Variants in FAM193B observed in about 807,000 individuals in gnomAD.
FAM193B encodes the protein protein FAM193B.
In FAM193B, 27 loss-of-function variants were observed where a neutral mutation model predicts 70.7. That is an observed-to-expected ratio of 0.38 (90% CI 0.28 to 0.53). The LOEUF (loss-of-function observed/expected upper bound fraction) is 0.53. FAM193B is among the 20% of genes least tolerant of loss of function. FAM193B has a pLI of 0.81. For missense variants in FAM193B, 1,022 were observed against 1,072.5 expected (o/e 0.95, Z 0.66); for synonymous variants, 448 against 436.0 (o/e 1.03, Z -0.34).
At chr5:177,523,821 G>A (rs532524603) in intron 7 of FAM193B, 136 bp downstream of exon 7, 2 of 917,284 alleles carry the variant, frequency 2.2e-6, no homozygotes, top group Non-Finnish European at 3.4e-6. Context: ...AGAGGGCCTG[G>A]GGGGGCGGTG....
rs574071725 is a variant in FAM193B at position 177,536,252 on chromosome 5, A to G, written c.1076+106T>C. On this transcript the variant is annotated intron_variant, in intron 4 of 8. Coordinates refer to ENST00000514747, the MANE Select transcript of FAM193B (RefSeq NM_001190946.3). Reference sequence around the variant, plus strand: ...TTTACAATTGAAAAATAATGAAAGGAAAGACATAGTCTACTTTTTAATTGC... The same window carrying G: ...TTTACAATTGAAAAATAATGAAAGGGAAGACATAGTCTACTTTTTAATTGC... 5.7e-5 allele frequency: 69 copies of G among 1,218,714 alleles called. No homozygotes were observed. In the East Asian group the frequency reaches 1.6e-3, roughly 28 times the overall value. 75.5% of individuals were successfully genotyped at this position (1,218,714 alleles called of 1,614,324 possible). A position where few individuals can be genotyped will look rare whatever the true frequency, so the allele number is the denominator to read the frequency against.
At position 177,532,030 on chromosome 5, in the gene FAM193B, C is replaced by T. The variant is rs559551499; in HGVS notation, c.1275+413G>A. 1.9e-5 allele frequency: 24 copies of T among 1,292,276 alleles called. No individual in the cohort carries two copies. The highest frequency in any genetic ancestry group is 1.2e-4 in the African/African-American group (8 of 66,066). The allele number at this position is 1,292,276 out of a possible 1,614,324, so 80.1% of individuals were successfully genotyped here. A position where few individuals can be genotyped will look rare whatever the true frequency, so the allele number is the denominator to read the frequency against. ...CTGATCTGAGCCTCCTTCCTGGCGC[C>T]GTCTGTGCTCACGGCCTGTCCCTCG... is the stretch of plus-strand genomic sequence containing the variant. On this transcript the variant is annotated intron_variant, in intron 5 of 8. Coordinates refer to ENST00000514747, the MANE Select transcript of FAM193B (RefSeq NM_001190946.3). This position sits in a 1 kb window ranked among gnomAD's most constrained non-coding sequence, Gnocchi z 4.9.
chr5:177,534,211 T>G (rs961313385), intron 4 of FAM193B, among the ~76,000 whole-genome samples: 9 of 151,964 alleles, frequency 5.9e-5, no homozygotes. Context: ...AAAAAGATGG[T>G]GGCAGGAATC....
At chr5:177,521,934 C>G (rs370552427) in intron 8 of FAM193B, 40 bp downstream of exon 8, 2 of 1,527,040 alleles carry the variant, frequency 1.3e-6, no homozygotes, top group Non-Finnish European at 1.8e-6. Context: ...TGGCCAAGCA[C>G]AGGGAGAGGC....
At chr5:177,541,241 T>C (rs1048230211) in intron 1 of FAM193B, among the ~76,000 whole-genome samples, 1 of 152,130 alleles carries the variant, frequency 6.6e-6, no homozygotes, top group Non-Finnish European at 1.5e-5. Context: ...GAGGAAACTT[T>C]CCATAGCTAC....
At chr5:177,554,014 G>C in intron 1 of FAM193B, 1 of 1,314,988 alleles carries the variant, frequency 7.6e-7, no homozygotes, top group Non-Finnish European at 9.7e-7. Flanking sequence ...GAGGCGGCGG[G>C]GAGAGGGGAG....
intron 1 of FAM193B, among the ~76,000 whole-genome samples, chr5:177,544,633 T>TG (rs75938336): frequency 0.06 from 9,106 of 152,298 alleles, 516 homozygotes; most frequent in East Asian, 0.32. Context: ...TCCAAATACT[T>TG]GAAGACTTTT....
intron 1 of FAM193B, among the ~76,000 whole-genome samples, chr5:177,545,227 A>G (rs953117392): frequency 5.4e-4 from 82 of 152,248 alleles, no homozygotes; most frequent in African/African-American, 1.9e-3. Context: ...TATTTTTAGT[A>G]GAGACAGGGT....
intron 1 of FAM193B, among the ~76,000 whole-genome samples, chr5:177,542,694 G>C (rs757759307): frequency 2.6e-5 from 4 of 152,126 alleles, no homozygotes; most frequent in Non-Finnish European, 5.9e-5. Context: ...GAGACTAAAG[G>C]CTCAATTTAA....
intron 1 of FAM193B, among the ~76,000 whole-genome samples, chr5:177,543,872 A>C (rs1765126024): frequency 6.6e-6 from 1 of 152,232 alleles, no homozygotes; most frequent in South Asian, 2.1e-4. Context: ...TTCCTACACA[A>C]AGAAGAGATC....
At chr5:177,545,351 T>C (rs1765287510) in intron 1 of FAM193B, among the ~76,000 whole-genome samples, 1 of 152,244 alleles carries the variant, frequency 6.6e-6, no homozygotes, top group Non-Finnish European at 1.5e-5. Flanking sequence ...GCCATTCTTC[T>C]AATTTTGTTT....
At chr5:177,543,159 T>A (rs892715996) in intron 1 of FAM193B, among the ~76,000 whole-genome samples, 1 of 152,028 alleles carries the variant, frequency 6.6e-6, no homozygotes, top group Non-Finnish European at 1.5e-5. Context: ...AGAGCCAAAA[T>A]GGTACACAAA....
intron 1 of FAM193B, chr5:177,553,118 G>A: frequency 1.0e-6 from 1 of 957,950 alleles, no homozygotes; most frequent in Non-Finnish European, 1.2e-6. Flanking sequence ...CAACTGGGGA[G>A]GTCAGGGGAG....
At chr5:177,535,159 T>G (rs186425067) in intron 4 of FAM193B, among the ~76,000 whole-genome samples, 1 of 152,350 alleles carries the variant, frequency 6.6e-6, no homozygotes, top group Admixed American at 6.5e-5. Flanking sequence ...AAGACATCTT[T>G]AGAGACACTG....
chr5:177,544,926 T>C (rs1278589439), intron 1 of FAM193B, among the ~76,000 whole-genome samples: 1 of 152,232 alleles, frequency 6.6e-6, no homozygotes, highest in East Asian at 1.9e-4. Context: ...TTTTTTTTCA[T>C]ATACTTCAAC....
intron 1 of FAM193B, among the ~76,000 whole-genome samples, chr5:177,541,928 T>C (rs1043076941): frequency 1.3e-5 from 2 of 152,192 alleles, no homozygotes; most frequent in African/African-American, 4.8e-5. Context: ...GCTATGTAAA[T>C]AGCTGCTATA....
intron 1 of FAM193B, among the ~76,000 whole-genome samples, chr5:177,540,943 T>G (rs1319923009): frequency 1.3e-5 from 2 of 152,230 alleles, no homozygotes; most frequent in Non-Finnish European, 2.9e-5. Context: ...CATTAGGGTA[T>G]CCTTAAACCT....
intron 3 of FAM193B, among the ~76,000 whole-genome samples, chr5:177,537,439 C>G (rs1009455516): frequency 6.6e-6 from 1 of 152,224 alleles, no homozygotes; most frequent in African/African-American, 2.4e-5. Context: ...ACGGCTTACA[C>G]TGCCAATCTC....
At chr5:177,545,593 G>A (rs1374448786) in intron 1 of FAM193B, among the ~76,000 whole-genome samples, 3 of 151,220 alleles carry the variant, frequency 2.0e-5, no homozygotes, top group Admixed American at 2.0e-4. Context: ...CCCAAGTGAC[G>A]GAGGTTGCAG....
Sources: gnomAD v4.1 joint callset for allele counts (sites outside exome capture counted in the v4.1 genomes callset) on GRCh38, gnomAD v4.1.1 for gene constraint, Gnocchi (gnomAD v3.1) non-coding constraint, MANE v1.5 for transcripts, NCBI Gene and HGNC (gene_info 2026-07-23, HGNC 2026-07-21) for gene names.